BEGAIN: variants seen among roughly 807,000 people sequenced by gnomAD.
The protein encoded by BEGAIN is brain-enriched guanylate kinase-associated protein.
Under a neutral mutation model 35.8 loss-of-function variants are expected in BEGAIN, and 19 were observed. The observed-to-expected ratio is 0.53, with a 90% CI of 0.37 to 0.78. The LOEUF (loss-of-function observed/expected upper bound fraction) is 0.78, where lower values mean the gene tolerates loss of function less well. Among genes scored for constraint, BEGAIN ranks in the 30% least tolerant of loss-of-function variants. The pLI is 0.00. For synonymous variants in BEGAIN, 462 were observed against 388.6 expected (o/e 1.19, Z -2.22); for missense variants, 795 against 853.6 (o/e 0.93, Z 0.85).
intron 1 of BEGAIN, among the ~76,000 whole-genome samples, chr14:100,570,228 T>C (rs2035034015): frequency 6.6e-6 from 1 of 152,226 alleles, no homozygotes; most frequent in Admixed American, 6.5e-5. Flanking sequence ...CATTGAATGT[T>C]TCAGCCCTTC....
chr14:100,552,238 C>G (rs955913723), intron 2 of BEGAIN, among the ~76,000 whole-genome samples: 1 of 152,140 alleles, frequency 6.6e-6, no homozygotes, highest in African/African-American at 2.4e-5. Flanking sequence ...TGGGGCTGGC[C>G]TGCAGGTGCA....
In BEGAIN at chr14:100,538,448, C is replaced by G. The variant is rs367701102; in HGVS notation, c.1360G>C (p.Ala454Pro). Reference sequence around the variant, plus strand: ...CTGCAGGGTGAGGCGCGGCCGGCAGCGCTCACGGGGTAGGAGTAGGCGCCG... The same window carrying G: ...CTGCAGGGTGAGGCGCGGCCGGCAGGGCTCACGGGGTAGGAGTAGGCGCCG... The part of the protein sequence containing the change: ...DIGAYSYPVS[A>P]AGRASPCSFS... The change falls in exon 7 of 7, where the codon GCT becomes CCT. Residue 454 changes from alanine (A) to proline (P), a missense_variant. By Grantham distance (27) the Ala-to-Pro change is conservative. Around this residue, in one of 3 missense-constraint regions of BEGAIN, gnomAD observed 664 missense variants for 647.7 expected, o/e 1.03. Transcript: ENST00000554140. 6.9e-6 allele frequency: 11 copies of G among 1,588,710 alleles called. No individual in the cohort carries two copies. In the East Asian group the frequency reaches 2.0e-4, roughly 29 times the overall value.
At position 100,587,277 on chromosome 14, in the gene BEGAIN, C is replaced by T; in HGVS notation, c.14G>A (p.Gly5Asp). MWTGGRRPGRLRRAA... is the reference protein window; with the variant it reads MWTGDRRPGRLRRAA... Reference sequence around the variant, plus strand: ...CCGGCGCAGCCGGCCCGGCCGGCGACCGCCAGTCCACATGGCCCCAGGGCA... The same window carrying T: ...CCGGCGCAGCCGGCCCGGCCGGCGATCGCCAGTCCACATGGCCCCAGGGCA... Residue 5 changes from glycine to aspartate, a missense_variant, in exon 1 of 7, where the codon GGT (glycine) becomes GAT (aspartate). This residue lies in a region of BEGAIN where 58 missense variants were observed against 62.7 expected (regional missense o/e 0.92). Coordinates refer to ENST00000554140, the MANE Select transcript of BEGAIN (RefSeq NM_001385089.1). The T allele has an allele frequency of 5.3e-6, 1 of 189,858 alleles. No individual in the cohort carries two copies. The highest frequency in any genetic ancestry group is 1.1e-5 in the Non-Finnish European group (1 of 91,976). The allele number at this position is 189,858 out of a possible 1,614,324, so 11.8% of individuals were successfully genotyped here. A position where few individuals can be genotyped will look rare whatever the true frequency, so the allele number is the denominator to read the frequency against.
intron 1 of BEGAIN, among the ~76,000 whole-genome samples, chr14:100,578,167 C>A (rs2035242982): frequency 6.6e-6 from 1 of 152,250 alleles, no homozygotes; most frequent in Admixed American, 6.5e-5. Flanking sequence ...GAGAGCTGAG[C>A]TTCAGGGCTT....
rs573304305 is a variant in BEGAIN at position 100,566,331 on chromosome 14, C to T, written c.71+1580G>A. Among the ~76,000 whole-genome samples the T allele has an allele frequency of 5.6e-4, 85 of 152,348 alleles. 1 individual carries two copies. The highest frequency in any genetic ancestry group is 8.5e-4 in the Non-Finnish European group (58 of 68,032). On this transcript the variant is annotated intron_variant, in intron 2 of 6. Coordinates refer to ENST00000554140, the MANE Select transcript of BEGAIN (RefSeq NM_001385089.1). ...CTGCCTACCTGTGCACCCAGCCGGG[C>T]GGGGTCATGCCTCTGTCCTCAGTGC... is the stretch of plus-strand genomic sequence containing the variant.
At chr14:100,576,013 C>A (rs533773969) in intron 1 of BEGAIN, among the ~76,000 whole-genome samples, 2 of 152,050 alleles carry the variant, frequency 1.3e-5, no homozygotes, top group Non-Finnish European at 2.9e-5. Flanking sequence ...GAGGAGCAGG[C>A]GGGGAAACAA....
chr14:100,538,770 C>G lies in BEGAIN; in HGVS notation c.1038G>C (p.Leu346=). Residue 346 remains leucine, a synonymous_variant, in exon 7 of 7, where the codon CTG becomes CTC. Coordinates refer to ENST00000554140, the MANE Select transcript of BEGAIN (RefSeq NM_001385089.1). ...TLTASQQAIY[L]NSRDELFDRK... is the part of the protein sequence containing the mutation. ...GGTCGAAGAGCTCGTCGCGGCTGTT[C>G]AGGTAGATGGCCTGCTGCGACGCGG... 1 of 1,588,812 alleles carries G rather than the reference C, an allele frequency of 6.3e-7. No individual in the cohort carries two copies. Among genetic ancestry groups the G allele is most frequent in the Non-Finnish European group, 8.6e-7 (1 of 1,169,196 alleles).
At chr14:100,544,950 C>T in intron 4 of BEGAIN, 50 bp downstream of exon 4, 1 of 1,593,184 alleles carries the variant, frequency 6.3e-7, no homozygotes, top group Non-Finnish European at 8.5e-7. Context: ...GTGGCTCCCC[C>T]CGGGAAGGAG....
chr14:100,583,640 T>C (rs182713162), intron 1 of BEGAIN, among the ~76,000 whole-genome samples: 113 of 151,866 alleles, frequency 7.4e-4, no homozygotes, highest in Non-Finnish European at 1.3e-3. Flanking sequence ...CTCTCTTTCT[T>C]TCTTTCTTTT....
chr14:100,550,564 G>A (rs1415077611), intron 2 of BEGAIN: 2 of 398,612 alleles, frequency 5.0e-6, no homozygotes, highest in Non-Finnish European at 8.9e-6. Context: ...GCAGGGCTGG[G>A]GGCCATGCGT....
intron 2 of BEGAIN, among the ~76,000 whole-genome samples, chr14:100,561,847 C>T (rs888550763): frequency 3.9e-5 from 6 of 152,246 alleles, no homozygotes; most frequent in African/African-American, 1.2e-4. Flanking sequence ...GGAGTGGGAA[C>T]TCAACTGGGC....
At chr14:100,545,463 C>A in intron 3 of BEGAIN, 1 of 1,027,142 alleles carries the variant, frequency 9.7e-7, no homozygotes, top group Admixed American at 5.2e-5. Flanking sequence ...AGAAACTTAA[C>A]ACTAACTATG....
At chr14:100,580,739 C>T (rs755025568) in intron 1 of BEGAIN, among the ~76,000 whole-genome samples, 2 of 152,182 alleles carry the variant, frequency 1.3e-5, no homozygotes, top group Admixed American at 1.3e-4. Flanking sequence ...TAGAATGTAA[C>T]TTCCACTGTA....
At position 100,586,631 on chromosome 14, in the gene BEGAIN, G is replaced by A. The variant is rs1489609424; in HGVS notation, c.42+618C>T. Among the ~76,000 whole-genome samples the A allele has an allele frequency of 1.3e-5, 2 of 152,182 alleles. No individual in the cohort carries two copies. Among genetic ancestry groups the A allele is most frequent in the Admixed American group, 1.3e-4 (2 of 15,284 alleles). On this transcript the variant is annotated intron_variant, in intron 1 of 6. Transcript: ENST00000554140. This position sits in a 1 kb window ranked among gnomAD's most constrained non-coding sequence, Gnocchi z 4.9. ...TGAGCGCGCCGGCTGAGCCGCTCTG[G>A]GCGAGGCCCTGGCCTCCCTGAGCCT...
intron 1 of BEGAIN, among the ~76,000 whole-genome samples, chr14:100,580,560 C>T (rs2035294500): frequency 6.6e-6 from 1 of 152,172 alleles, no homozygotes. Context: ...CCCTTCCCCT[C>T]CTTCCCATCA....
intron 2 of BEGAIN, among the ~76,000 whole-genome samples, chr14:100,559,912 C>T (rs769174830): frequency 7.2e-5 from 11 of 152,350 alleles, no homozygotes; most frequent in South Asian, 2.1e-4. Flanking sequence ...AGGGAGGCGC[C>T]GGGGCCGAGG....
chr14:100,555,116 A>G (rs868820663), intron 2 of BEGAIN, among the ~76,000 whole-genome samples: 8 of 152,256 alleles, frequency 5.3e-5, no homozygotes, highest in Admixed American at 3.3e-4. Context: ...CCCTGGAGGA[A>G]GCCCACATCA....
Position 100,587,388 on chromosome 14 carries a change from C to T in BEGAIN, c.-98G>A, listed in dbSNP as rs2035469759. On this transcript the variant is annotated 5_prime_UTR_variant, in exon 1 of 7. Transcript: ENST00000554140. ...CCGGGAGCCGGCGCGGCCGGGGCTC[C>T]CCCACCCCGCCCGGCTTCCCGCAGG... The T allele has an allele frequency of 6.8e-6, 1 of 146,056 alleles. No individual in the cohort carries two copies. Among genetic ancestry groups the T allele is most frequent in the South Asian group, 1.8e-4 (1 of 5,442 alleles). The allele number at this position is 146,056 out of a possible 1,614,324, so 9.0% of individuals were successfully genotyped here. A position where few individuals can be genotyped will look rare whatever the true frequency, so the allele number is the denominator to read the frequency against.
chr14:100,540,627 C>T, intron 5 of BEGAIN, 48 bp from the exon 6 acceptor site: 2 of 1,460,390 alleles, frequency 1.4e-6, no homozygotes, highest in South Asian at 1.2e-5. Flanking sequence ...CAGCCAAGGC[C>T]CCGCCGCCCT....
Sources: gnomAD v4.1 joint callset for allele counts (sites outside exome capture counted in the v4.1 genomes callset) on GRCh38, gnomAD v4.1.1 for gene constraint, gnomAD v4.1.1 regional missense constraint, Gnocchi (gnomAD v3.1) non-coding constraint, MANE v1.5 for transcripts, NCBI Gene and HGNC (gene_info 2026-07-23, HGNC 2026-07-21) for gene names.